Variants in CTNNA3 observed in about 807,000 individuals in gnomAD.
CTNNA3 encodes catenin alpha 3, also known as catenin alpha-3.
Under a neutral mutation model 95.7 loss-of-function variants are expected in CTNNA3, and 76 were observed. The ratio of observed to expected loss-of-function variants is 0.79; its 90% CI spans 0.66 to 0.96. CTNNA3 has a LOEUF of 0.96. Ranked by LOEUF, CTNNA3 falls within the 40% of genes least tolerant of loss-of-function variation. The pLI is 0.00. For synonymous variants in CTNNA3, 431 were observed against 374.4 expected (o/e 1.15, Z -1.74); for missense variants, 1,191 against 1,089.8 (o/e 1.09, Z -1.31).
chr10:66,120,372 G>A (rs2082526550), intron 13 of CTNNA3, among the ~76,000 whole-genome samples: 1 of 152,122 alleles, frequency 6.6e-6, no homozygotes, highest in South Asian at 2.1e-4. Flanking sequence ...TCTGACTTAT[G>A]TCAATAAATA....
At chr10:67,175,688 T>C (rs1862208249) in intron 7 of CTNNA3, among the ~76,000 whole-genome samples, 2 of 152,168 alleles carry the variant, frequency 1.3e-5, no homozygotes, top group Admixed American at 1.3e-4. Flanking sequence ...CCTATAGTCA[T>C]GTATCACCTG....
chr10:67,751,229 T>C (rs565326687), intron 1 of CTNNA3: 216 of 1,270,000 alleles, frequency 1.7e-4, no homozygotes, highest in South Asian at 5.8e-4. Context: ...ATGCAGAATA[T>C]TGAGGTTGAA....
intron 7 of CTNNA3, among the ~76,000 whole-genome samples, chr10:66,856,823 G>A (rs1843701837): frequency 6.6e-6 from 1 of 151,972 alleles, no homozygotes; most frequent in Non-Finnish European, 1.5e-5. Flanking sequence ...CAGATGCAAA[G>A]CCTGAAAATA....
chr10:67,332,478 A>G (rs1564573073), intron 5 of CTNNA3, among the ~76,000 whole-genome samples: 2 of 152,148 alleles, frequency 1.3e-5, no homozygotes, highest in East Asian at 3.9e-4. Context: ...TTTCTGTAAG[A>G]TGTCTGACTC....
chr10:67,167,844 G>A (rs1328584635), intron 7 of CTNNA3, among the ~76,000 whole-genome samples: 1 of 152,108 alleles, frequency 6.6e-6, no homozygotes, highest in Non-Finnish European at 1.5e-5. Context: ...AAAATATAGA[G>A]GTTATCGGCC....
At chr10:66,864,993 G>A (rs949159063) in intron 7 of CTNNA3, among the ~76,000 whole-genome samples, 1 of 152,004 alleles carries the variant, frequency 6.6e-6, no homozygotes, top group Admixed American at 6.6e-5. Context: ...AGTTAGAGTG[G>A]CATATTTTAG....
chr10:66,470,692 G>A (rs1839096019), intron 11 of CTNNA3, among the ~76,000 whole-genome samples: 1 of 151,834 alleles, frequency 6.6e-6, no homozygotes, highest in Admixed American at 6.6e-5. Flanking sequence ...GTAGAAGTAG[G>A]AAGAAAGCCA....
Position 66,978,552 on chromosome 10 carries a change from A to AATATATATATATATAT in CTNNA3, c.1047+201749_1047+201764dup, listed in dbSNP as rs1554890349. 3.8e-3 allele frequency among the ~76,000 whole-genome samples: 145 copies of AATATATATATATATAT among 37,860 alleles called. 1 individual carries two copies. The highest frequency in any genetic ancestry group is 8.7e-3 in the Admixed American group (18 of 2,058). 24.8% of individuals were successfully genotyped at this position (37,860 alleles called of 152,430 possible). ...AAAAAAAAAAAAAAAAAAAAAAAAA[A>AATATATATATATATAT]ATATATATATATATATATAGTATGG... On this transcript the variant is annotated intron_variant, in intron 7 of 17. Coordinates refer to ENST00000433211, the MANE Select transcript of CTNNA3 (RefSeq NM_013266.4).
intron 5 of CTNNA3, among the ~76,000 whole-genome samples, chr10:67,420,179 G>A (rs1305063932): frequency 2.0e-5 from 3 of 151,810 alleles, no homozygotes; most frequent in Non-Finnish European, 4.4e-5. Context: ...TTTTACTAAT[G>A]AAAAAAACAT....
chr10:66,735,684 C>A (rs1242267308), intron 9 of CTNNA3, among the ~76,000 whole-genome samples: 2 of 152,010 alleles, frequency 1.3e-5, no homozygotes. Flanking sequence ...TAAATTCTTG[C>A]TTTTATCTCC....
At chr10:66,055,921 CAAAAAA>C (rs386371652) in intron 15 of CTNNA3, among the ~76,000 whole-genome samples, 3 of 60,214 alleles carry the variant, frequency 5.0e-5, no homozygotes, top group African/African-American at 1.3e-4. Flanking sequence ...GACTCCATCT[CAAAAAA>C]AAAAAAAAAA....
intron 15 of CTNNA3, among the ~76,000 whole-genome samples, chr10:65,996,001 G>C (rs1157678444): frequency 6.6e-6 from 1 of 152,180 alleles, no homozygotes; most frequent in Non-Finnish European, 1.5e-5. Context: ...GTAAAGTGCT[G>C]GGTGGTGGCA....
chr10:66,237,623 T>C (rs2089919609), intron 13 of CTNNA3, among the ~76,000 whole-genome samples: 1 of 151,918 alleles, frequency 6.6e-6, no homozygotes, highest in Non-Finnish European at 1.5e-5. Flanking sequence ...TGACCTACAA[T>C]AGTGGTGATT....
intron 13 of CTNNA3, among the ~76,000 whole-genome samples, chr10:66,235,722 A>C (rs10996994): frequency 0.17 from 26,042 of 152,050 alleles, 2,387 homozygotes; most frequent in East Asian, 0.26. Context: ...CCGATATTGG[A>C]GTGTGAAAGG....
chr10:66,676,209 C>T (rs182243881), intron 9 of CTNNA3, among the ~76,000 whole-genome samples: 36 of 151,244 alleles, frequency 2.4e-4, no homozygotes, highest in Admixed American at 9.2e-4. Flanking sequence ...AGAGGTTAGA[C>T]TGGCTTGTTC....
chr10:67,590,676 G>A (rs1245113352), intron 3 of CTNNA3, among the ~76,000 whole-genome samples: 1 of 151,992 alleles, frequency 6.6e-6, no homozygotes, highest in Non-Finnish European at 1.5e-5. Flanking sequence ...TTGATGTCAT[G>A]TGTATACTCT....
At chr10:67,598,574 CT>C (rs923583468) in intron 3 of CTNNA3, among the ~76,000 whole-genome samples, 3 of 152,102 alleles carry the variant, frequency 2.0e-5, no homozygotes, top group African/African-American at 7.2e-5. Context: ...CTGTAGTCAG[CT>C]ATCTTGGCTC....
intron 7 of CTNNA3, among the ~76,000 whole-genome samples, chr10:66,788,910 T>C (rs973340574): frequency 1.2e-4 from 19 of 152,204 alleles, no homozygotes; most frequent in Non-Finnish European, 2.8e-4. Flanking sequence ...ATCTAGATTA[T>C]ACAACCACAG....
At chr10:66,593,023 C>T (rs1183736303) in intron 10 of CTNNA3, among the ~76,000 whole-genome samples, 1 of 152,046 alleles carries the variant, frequency 6.6e-6, no homozygotes, top group Non-Finnish European at 1.5e-5. Context: ...CAGAATCATG[C>T]CACTAAGAAA....
Sources: allele counts gnomAD v4.1 joint callset (sites outside exome capture counted in the v4.1 genomes callset), GRCh38; gene constraint gnomAD v4.1.1; transcripts MANE v1.5; gene names NCBI Gene and HGNC (gene_info 2026-07-23, HGNC 2026-07-21).